Variants in MYH11 observed in about 807,000 individuals in gnomAD.
The protein encoded by MYH11 is myosin heavy chain 11.
A neutral mutation model predicts 246.6 loss-of-function variants in MYH11; 80 were observed. The ratio of observed to expected loss-of-function variants is 0.32; its 90% CI spans 0.27 to 0.39. MYH11 has a LOEUF of 0.39. Ranked by LOEUF, MYH11 falls within the 10% of genes least tolerant of loss-of-function variation. The pLI is 1.00. For synonymous variants in MYH11, 1,071 were observed against 1,015.5 expected (o/e 1.05, Z -1.04); for missense variants, 2,158 against 2,546.8 (o/e 0.85, Z 3.29).
chr16:15,751,949 G>T (rs1377691631), intron 15 of MYH11, among the ~76,000 whole-genome samples: 1 of 151,610 alleles, frequency 6.6e-6, no homozygotes, highest in Non-Finnish European at 1.5e-5. Flanking sequence ...CCACCACCAC[G>T]CCCAGTTAGT....
At chr16:15,737,954 G>A (rs1368281115) in intron 24 of MYH11, among the ~76,000 whole-genome samples, 2 of 151,946 alleles carry the variant, frequency 1.3e-5, no homozygotes, top group Non-Finnish European at 2.9e-5. Flanking sequence ...CACCACGCCT[G>A]GCTAATTTTT....
chr16:15,788,540 A>G (rs1170511546), intron 4 of MYH11, among the ~76,000 whole-genome samples: 2 of 152,144 alleles, frequency 1.3e-5, no homozygotes, highest in African/African-American at 2.4e-5. Context: ...GAAGAAAAGA[A>G]AAAAGAAAGA....
At chr16:15,764,377 C>T (rs1044573191) in intron 9 of MYH11, among the ~76,000 whole-genome samples, 6 of 152,056 alleles carry the variant, frequency 3.9e-5, no homozygotes, top group Non-Finnish European at 8.8e-5. Flanking sequence ...AGCATAGTGA[C>T]TCATGCCTGC....
Position 15,704,070 on chromosome 16 carries a change from ACT to A in MYH11, c.5838_5839del (p.Arg1946SerfsTer3), listed in dbSNP as rs1258689018. 1.2e-6 allele frequency: 2 copies of A among 1,613,598 alleles called. No individual in the cohort carries two copies. Among genetic ancestry groups the A allele is most frequent in the South Asian group, 1.1e-5 (1 of 91,068 alleles). ...CTCAGAACCATCTGCATTTTCAATA[ACT>A]CTACGTCCTCCAGACCTTCTAGAAG... On this transcript the variant is annotated frameshift_variant, in exon 41 of 41. Transcript: ENST00000300036. LOFTEE classifies it high-confidence loss of function.
intron 4 of MYH11, among the ~76,000 whole-genome samples, chr16:15,797,656 AC>A (rs1223895363): frequency 2.0e-5 from 3 of 151,224 alleles, no homozygotes; most frequent in Non-Finnish European, 4.4e-5. Context: ...AAATTCACCG[AC>A]CTGCTGAAAG....
At chr16:15,806,065 TCA>T (rs200153427) in intron 3 of MYH11, among the ~76,000 whole-genome samples, 2,953 of 151,434 alleles carry the variant, frequency 0.02, 87 homozygotes, top group African/African-American at 0.064. Context: ...GATCACGAGG[TCA>T]GGAGTTCAAG....
chr16:15,720,343 C>T (rs779513956), intron 33 of MYH11, 31 bp from the exon 34 acceptor site: 107 of 1,606,494 alleles, frequency 6.7e-5, no homozygotes, highest in Non-Finnish European at 8.9e-5. Context: ...TGTGCTGCCC[C>T]ACTTGCCCCT....
At chr16:15,798,576 T>A in intron 4 of MYH11, 84 bp downstream of exon 4, 1 of 1,399,512 alleles carries the variant, frequency 7.1e-7, no homozygotes. Context: ...TCATGGATCT[T>A]TTCTTTCATA....
intron 13 of MYH11, among the ~76,000 whole-genome samples, chr16:15,757,509 A>T (rs77113166): frequency 1.3e-3 from 17 of 12,820 alleles, no homozygotes; most frequent in African/African-American, 9.7e-3. Flanking sequence ...ACCATGTCAT[A>T]AAAAAAAAAA....
intron 10 of MYH11, among the ~76,000 whole-genome samples, chr16:15,761,062 A>G (rs2041856976): frequency 6.6e-6 from 1 of 152,196 alleles, no homozygotes; most frequent in African/African-American, 2.4e-5. Context: ...AAGGTAAAGT[A>G]TGTAAAGTCC....
At chr16:15,832,943 C>CTTTTTTTTTTTTTTT (rs780380104) in intron 2 of MYH11, among the ~76,000 whole-genome samples, 1 of 55,340 alleles carries the variant, frequency 1.8e-5, no homozygotes, top group Non-Finnish European at 3.2e-5. Context: ...GCAACCTCAT[C>CTTTTTTTTTTTTTTT]TTTTTTTTTT....
intron 2 of MYH11, among the ~76,000 whole-genome samples, chr16:15,835,313 CTG>C (rs1484291395): frequency 6.6e-6 from 1 of 152,170 alleles, no homozygotes; most frequent in African/African-American, 2.4e-5. Context: ...AGTCACTAAA[CTG>C]TGTGCCCAAT....
chr16:15,788,794 ATATATGTGTGTGTGTGTGTGTGTGTGTG>A (rs764789740), intron 4 of MYH11, among the ~76,000 whole-genome samples: 20,813 of 107,700 alleles, frequency 0.19, 1,550 homozygotes, highest in African/African-American at 0.22. Context: ...TAAGACCAGA[ATATATGTGTGTGTGTGTGTGTGTGTGTG>A]TGTGTGTGTG....
chr16:15,769,308 C>T (rs1297621139), intron 9 of MYH11, among the ~76,000 whole-genome samples: 1 of 152,186 alleles, frequency 6.6e-6, no homozygotes, highest in African/African-American at 2.4e-5. Context: ...AATAGCAAGC[C>T]TCCATCTCAA....
rs1399915743 is a variant in MYH11, at chr16:15,724,298, C to T, written c.4228G>A (p.Glu1410Lys). The change falls in exon 31 of 41, where the codon GAG (glutamate) becomes AAG (lysine). Residue 1410 changes from glutamate to lysine, a missense_variant. Glu to Lys is a moderately conservative substitution (Grantham distance 56). Coordinates refer to ENST00000300036, the MANE Select transcript of MYH11 (RefSeq NM_002474.3). ...AGTTTATCATAAGCGGCCGCCTTCT[C>T]CTCGTACTGCTGGGTGAGGTTCTCG... ...EIENLTQQYE[E>K]KAAAYDKLEK... The T allele has an allele frequency of 6.2e-7, 1 of 1,614,208 alleles. No individual in the cohort carries two copies. Among genetic ancestry groups the T allele is most frequent in the Non-Finnish European group, 8.5e-7 (1 of 1,180,034 alleles).
At position 15,756,460 on chromosome 16, in the gene MYH11, C is replaced by T. The variant is rs2041719693; in HGVS notation, c.1630G>A (p.Ala544Thr). The T allele has an allele frequency of 6.2e-7, 1 of 1,614,204 alleles. No individual in the cohort carries two copies. Among genetic ancestry groups the T allele is most frequent in the Non-Finnish European group, 8.5e-7 (1 of 1,180,036 alleles). Residue 544 changes from alanine to threonine, a missense_variant, in exon 14 of 41, where the codon GCC (alanine) becomes ACC (threonine). By Grantham distance (58) the Ala-to-Thr change is moderately conservative. Coordinates refer to ENST00000300036, the MANE Select transcript of MYH11 (RefSeq NM_002474.3). The stretch of plus-strand genomic sequence containing the variant: ...TTCTCCACGAAAGACTTGTCCGTGG[C>T]TTTGGGGAACCAGCATTCCTCGTCC... ...LLDEECWFPKATDKSFVEKLC... is the reference protein window; with the variant it reads ...LLDEECWFPKTTDKSFVEKLC...
At chr16:15,741,221 G>A (rs2041262540) in intron 22 of MYH11, 1 of 609,862 alleles carries the variant, frequency 1.6e-6, no homozygotes, top group Non-Finnish European at 2.9e-6. Context: ...CCTCCATTCA[G>A]GCTTGCTGTT....
intron 8 of MYH11, among the ~76,000 whole-genome samples, chr16:15,773,290 ATTT>A (rs34265896): frequency 3.1e-5 from 4 of 128,630 alleles, no homozygotes; most frequent in African/African-American, 2.9e-5. Flanking sequence ...TCCTCCAGCT[ATTT>A]TTTTTTTTTT....
chr16:15,705,426 G>GA (rs2039394337), intron 40 of MYH11, among the ~76,000 whole-genome samples: 1 of 152,050 alleles, frequency 6.6e-6, no homozygotes, highest in South Asian at 2.1e-4. Flanking sequence ...CTTTGGGTAG[G>GA]AGGAAGAGAG....
Sources: allele counts gnomAD v4.1 joint callset (sites outside exome capture counted in the v4.1 genomes callset), GRCh38; gene constraint gnomAD v4.1.1; transcripts MANE v1.5; gene names NCBI Gene and HGNC (gene_info 2026-07-23, HGNC 2026-07-21).